CPD: variants seen among roughly 807,000 people sequenced by gnomAD.
The protein encoded by CPD is metallocarboxypeptidase D.
Under a neutral mutation model 138.3 loss-of-function variants are expected in CPD, and 69 were observed. The observed-to-expected ratio is 0.50, with a 90% CI of 0.41 to 0.61. The LOEUF (loss-of-function observed/expected upper bound fraction) is 0.61, where lower values mean the gene tolerates loss of function less well. Ranked by LOEUF, CPD falls within the 20% of genes least tolerant of loss-of-function variation. The pLI is 0.00. For synonymous variants in CPD, 651 were observed against 642.1 expected (o/e 1.01, Z -0.21); for missense variants, 1,432 against 1,733.3 (o/e 0.83, Z 3.09).
At chr17:30,446,297 G>T (rs1247328251) in intron 12 of CPD, among the ~76,000 whole-genome samples, 6 of 151,864 alleles carry the variant, frequency 4.0e-5, no homozygotes, top group Non-Finnish European at 7.4e-5. Context: ...TTTACATTAG[G>T]TATATCTCCT....
chr17:30,380,438 T>G (rs912408548), intron 1 of CPD: 1 of 1,230,428 alleles, frequency 8.1e-7, no homozygotes, highest in Non-Finnish European at 1.0e-6. Context: ...CACAGATCTG[T>G]GAGCCGCTTC....
intron 2 of CPD, among the ~76,000 whole-genome samples, chr17:30,400,176 C>T (rs1412439220): frequency 3.9e-5 from 6 of 152,048 alleles, no homozygotes. Context: ...CAGTTTGCCT[C>T]TCTCATTTTA....
Position 30,421,770 on chromosome 17 carries a change from G to T in CPD, c.1244G>T (p.Arg415Ile), listed in dbSNP as rs148993764. 3.5e-5 allele frequency: 56 copies of T among 1,613,712 alleles called. No individual in the cohort carries two copies. The highest frequency in any genetic ancestry group is 4.7e-5 in the Non-Finnish European group (55 of 1,179,698). Reference sequence around the variant, plus strand: ...ATTAATCATAATATCACAACAGGCAGATTTGGTGATTTCTACCGATTACTT... The same window carrying T: ...ATTAATCATAATATCACAACAGGCATATTTGGTGATTTCTACCGATTACTT... ...AGINHNITTGRFGDFYRLLVP... is the reference protein window; with the variant it reads ...AGINHNITTGIFGDFYRLLVP... Residue 415 changes from arginine to isoleucine, a missense_variant, in exon 4 of 21, where the codon AGA becomes ATA. By Grantham distance (97) the Arg-to-Ile change is moderately conservative. Transcript: ENST00000225719.
At chr17:30,457,365 A>G (rs933033448) in intron 17 of CPD, among the ~76,000 whole-genome samples, 1 of 152,152 alleles carries the variant, frequency 6.6e-6, no homozygotes. Context: ...TCATGTGTCA[A>G]TGGGCACTTG....
intron 2 of CPD, among the ~76,000 whole-genome samples, chr17:30,401,375 TTCTTCCTC>T (rs1911661459): frequency 1.3e-5 from 2 of 151,182 alleles, no homozygotes; most frequent in Non-Finnish European, 3.0e-5. Flanking sequence ...CCTCTTCCTC[TTCTTCCTC>T]CTCTTCCTCT....
intron 2 of CPD, among the ~76,000 whole-genome samples, chr17:30,416,785 A>G (rs1912118458): frequency 6.6e-6 from 1 of 152,112 alleles, no homozygotes; most frequent in Non-Finnish European, 1.5e-5. Flanking sequence ...GCCACCAATC[A>G]CTAGCTGTAT....
chr17:30,450,116 G>T (rs1317831298), intron 13 of CPD: 1 of 152,830 alleles, frequency 6.5e-6, no homozygotes, highest in East Asian at 1.9e-4. Flanking sequence ...GAGTGCAATG[G>T]CATGATCTCG....
Position 30,464,925 on chromosome 17 carries a change from G to A in CPD, c.*111G>A, listed in dbSNP as rs927332632. On this transcript the variant is annotated 3_prime_UTR_variant, in exon 21 of 21. Transcript: ENST00000225719. ...TCTCTTGCTTCTTCAAAGAGCTTTGGGAAATTAAATTGCTAAATTTGTATT... is the reference window on the plus strand; with the variant it reads ...TCTCTTGCTTCTTCAAAGAGCTTTGAGAAATTAAATTGCTAAATTTGTATT... The A allele has an allele frequency of 1.2e-6, 1 of 850,656 alleles. No homozygotes were observed. Among genetic ancestry groups the A allele is most frequent in the African/African-American group, 1.7e-5 (1 of 59,010 alleles). The allele number at this position is 850,656 out of a possible 1,614,324, so 52.7% of individuals were successfully genotyped here. A position where few individuals can be genotyped will look rare whatever the true frequency, so the allele number is the denominator to read the frequency against.
chr17:30,448,166 A>G (rs1197414737), intron 12 of CPD, among the ~76,000 whole-genome samples: 1 of 152,210 alleles, frequency 6.6e-6, no homozygotes, highest in East Asian at 1.9e-4. Flanking sequence ...AATATCATAC[A>G]ATCTTAGTGC....
intron 2 of CPD, among the ~76,000 whole-genome samples, chr17:30,395,791 A>C (rs1911490532): frequency 6.6e-6 from 1 of 152,152 alleles, no homozygotes; most frequent in Non-Finnish European, 1.5e-5. Flanking sequence ...CAAGTTAGAC[A>C]AAAATGAAAA....
chr17:30,378,994 G>T lies in CPD; in HGVS notation c.14G>T (p.Arg5Leu), dbSNP rs78385519. 3.8e-5 allele frequency: 59 copies of T among 1,541,770 alleles called. No individual in the cohort carries two copies. The East Asian group carries it at 1.5e-3, about 39-fold the overall frequency. ...CGCTGCTGGAAGATGGCGAGCGGCCGGGACGAGCGGCCGCCTTGGCGGCTA... is the reference window on the plus strand; with the variant it reads ...CGCTGCTGGAAGATGGCGAGCGGCCTGGACGAGCGGCCGCCTTGGCGGCTA... MASG[R>L]DERPPWRLGR... Residue 5 changes from arginine to leucine, a missense_variant, in exon 1 of 21, where the codon CGG (arginine) becomes CTG (leucine). Physicochemically the swap from Arg to Leu is moderately radical, Grantham distance 102. This residue lies in a region of CPD where 484 missense variants were observed against 477.2 expected (regional missense o/e 1.01). Coordinates refer to ENST00000225719, the MANE Select transcript of CPD (RefSeq NM_001304.5).
chr17:30,457,808 C>T (rs1025090342), intron 17 of CPD, among the ~76,000 whole-genome samples: 1 of 152,002 alleles, frequency 6.6e-6, no homozygotes, highest in African/African-American at 2.4e-5. Context: ...CAAGACCACC[C>T]GCATGCACCA....
At chr17:30,442,652 A>C (rs1026352382) in intron 10 of CPD, among the ~76,000 whole-genome samples, 6 of 152,170 alleles carry the variant, frequency 3.9e-5, no homozygotes, top group Non-Finnish European at 8.8e-5. Context: ...TTATTTGTAT[A>C]TGTGAGGAAA....
intron 2 of CPD, among the ~76,000 whole-genome samples, chr17:30,408,534 G>A (rs890345284): frequency 1.3e-5 from 2 of 152,166 alleles, no homozygotes; most frequent in Non-Finnish European, 2.9e-5. Flanking sequence ...TCCCTTGTAA[G>A]TTGTATTCCT....
chr17:30,423,774 C>T (rs1912330951), intron 6 of CPD, 77 bp downstream of exon 6: 2 of 1,160,434 alleles, frequency 1.7e-6, no homozygotes, highest in Non-Finnish European at 2.3e-6. Context: ...AGAATTTGAA[C>T]TGGTTCTTTT....
intron 2 of CPD, among the ~76,000 whole-genome samples, chr17:30,412,233 A>G (rs1242499184): frequency 6.6e-6 from 1 of 152,092 alleles, no homozygotes; most frequent in Non-Finnish European, 1.5e-5. Context: ...TTGCTGCCTG[A>G]TCCTTCCTCT....
At chr17:30,445,331 G>C (rs1413428508) in intron 11 of CPD, among the ~76,000 whole-genome samples, 5 of 152,028 alleles carry the variant, frequency 3.3e-5, no homozygotes, top group Non-Finnish European at 5.9e-5. Flanking sequence ...CAGGCATGGT[G>C]GTGGGCACCT....
At chr17:30,431,739 C>T (rs1326304549) in intron 7 of CPD, 33 bp from the exon 8 acceptor site, 5 of 1,358,668 alleles carry the variant, frequency 3.7e-6, no homozygotes, top group Non-Finnish European at 5.3e-6. Context: ...TTGAAACAGA[C>T]AACATGATAC....
At chr17:30,421,629 T>G in intron 3 of CPD, 35 bp from the exon 4 acceptor site, 15 of 1,605,754 alleles carry the variant, frequency 9.3e-6, no homozygotes, top group Non-Finnish European at 1.3e-5. Flanking sequence ...CCTTCCAAAT[T>G]CACCGTCTCT....
Sources: allele counts gnomAD v4.1 joint callset (sites outside exome capture counted in the v4.1 genomes callset), GRCh38; gene constraint gnomAD v4.1.1; regional missense constraint gnomAD v4.1.1; transcripts MANE v1.5; gene names NCBI Gene and HGNC (gene_info 2026-07-23, HGNC 2026-07-21).